EPB41L3: variants seen among roughly 807,000 people sequenced by gnomAD.
EPB41L3 encodes the protein erythrocyte membrane protein band 4.1 like 3.
EPB41L3 carries 57 observed loss-of-function variants against 127.1 expected under a neutral mutation model. The observed-to-expected ratio is 0.45, with a 90% CI of 0.36 to 0.56. EPB41L3 has a LOEUF of 0.56. Ranked by LOEUF, EPB41L3 falls within the 20% of genes least tolerant of loss-of-function variation. The probability of loss-of-function intolerance (pLI) is 0.00; values close to 1 mark genes in which losing one functional copy is unlikely to be tolerated. For synonymous variants in EPB41L3, 572 were observed against 549.5 expected, an observed-to-expected ratio of 1.04 and a Z score of -0.57; for missense variants, 1,273 against 1,372.2, an observed-to-expected ratio of 0.93 and a Z score of 1.14.
At chr18:5,552,472 G>C (rs1615855) in intron 3 of EPB41L3, among the ~76,000 whole-genome samples, 36,081 of 152,146 alleles carry the variant, frequency 0.24, 5,896 homozygotes, top group African/African-American at 0.46. Flanking sequence ...GAAGGTTCCA[G>C]CAGGTACTTT....
intron 3 of EPB41L3, among the ~76,000 whole-genome samples, chr18:5,566,836 C>T (rs1244732665): frequency 2.0e-5 from 3 of 147,052 alleles, no homozygotes; most frequent in Non-Finnish European, 3.0e-5. Context: ...GATGGAGTCT[C>T]ACTCTCATGC....
intron 1 of EPB41L3, among the ~76,000 whole-genome samples, chr18:5,513,815 T>C (rs2092643322): frequency 6.6e-6 from 1 of 152,206 alleles, no homozygotes; most frequent in Admixed American, 6.5e-5. Context: ...TATTTATATT[T>C]CAGATTACAA....
At chr18:5,604,298 C>G (rs2094624241) in intron 3 of EPB41L3, among the ~76,000 whole-genome samples, 1 of 151,766 alleles carries the variant, frequency 6.6e-6, no homozygotes, top group South Asian at 2.1e-4. Flanking sequence ...GGTGCTGTCC[C>G]CTTTTTGGGC....
intron 3 of EPB41L3, among the ~76,000 whole-genome samples, chr18:5,468,298 G>A (rs1405074784): frequency 1.3e-5 from 2 of 152,170 alleles, no homozygotes; most frequent in Admixed American, 6.5e-5. Context: ...GCAGAAAGGG[G>A]TGGGTCCCTG....
Position 5,617,320 on chromosome 18 carries a change from A to T in EPB41L3, c.-467-2897T>A, listed in dbSNP as rs113610041. ...AGTTACAAGTCATTCTATTATTATT[A>T]TTTTTTTTTTTTTTTTGAGACGGAG... On this transcript the variant is annotated intron_variant, in intron 1 of 21. Coordinates refer to the EPB41L3 transcript ENST00000545076. Among the ~76,000 whole-genome samples, 550 of 125,556 alleles carry T rather than the reference A, an allele frequency of 4.4e-3. 8 individuals are homozygous for T. The highest frequency in any genetic ancestry group is 4.9e-3 in the Admixed American group (59 of 12,020). 82.4% of individuals were successfully genotyped at this position (125,556 alleles called of 152,430 possible).
intron 1 of EPB41L3, among the ~76,000 whole-genome samples, chr18:5,618,138 A>G (rs555472912): frequency 6.6e-6 from 1 of 152,300 alleles, no homozygotes; most frequent in African/African-American, 2.4e-5. Flanking sequence ...TTACAAATAC[A>G]CTTTTCAAAA....
intron 1 of EPB41L3, among the ~76,000 whole-genome samples, chr18:5,530,625 C>T (rs574280817): frequency 7.2e-5 from 11 of 152,096 alleles, no homozygotes; most frequent in African/African-American, 1.4e-4. Flanking sequence ...CCTCTGTACA[C>T]GCTGGTCAGT....
chr18:5,530,683 CT>C (rs995040976), intron 1 of EPB41L3, among the ~76,000 whole-genome samples: 1 of 152,174 alleles, frequency 6.6e-6, no homozygotes, highest in African/African-American at 2.4e-5. Context: ...CTATCCAGCT[CT>C]CCCCCTTCTC....
chr18:5,431,904 G>A (rs2079058754), intron 8 of EPB41L3, among the ~76,000 whole-genome samples: 1 of 152,164 alleles, frequency 6.6e-6, no homozygotes, highest in South Asian at 2.1e-4. Flanking sequence ...CAAAATAGGT[G>A]AAAAAGTGTA....
intron 3 of EPB41L3, among the ~76,000 whole-genome samples, chr18:5,456,963 C>T (rs1286736041): frequency 1.3e-5 from 2 of 152,224 alleles, no homozygotes; most frequent in Non-Finnish European, 2.9e-5. Flanking sequence ...CTCACTGCAG[C>T]GATCCCGTGG....
intron 3 of EPB41L3, among the ~76,000 whole-genome samples, chr18:5,574,938 C>A (rs904632309): frequency 6.6e-5 from 10 of 152,150 alleles, no homozygotes; most frequent in African/African-American, 2.2e-4. Flanking sequence ...GGGACCCTGA[C>A]ACAGCTCTCA....
intron 1 of EPB41L3, among the ~76,000 whole-genome samples, chr18:5,521,864 T>C (rs764500570): frequency 6.6e-6 from 1 of 152,182 alleles, no homozygotes; most frequent in African/African-American, 2.4e-5. Context: ...TGAATAAATG[T>C]AAAATGACTA....
chr18:5,570,314 T>C (rs2094261144), intron 3 of EPB41L3: 1 of 152,204 alleles, frequency 6.6e-6, no homozygotes, highest in Admixed American at 6.5e-5. Context: ...ACACAAGGGC[T>C]TTATAACATC....
At chr18:5,611,222 T>C (rs1287623245) in intron 3 of EPB41L3, among the ~76,000 whole-genome samples, 2 of 152,334 alleles carry the variant, frequency 1.3e-5, no homozygotes, top group Admixed American at 1.3e-4. Flanking sequence ...TTATTTGTAA[T>C]AGTCAAAAGG....
chr18:5,501,618 TTAAC>T (rs1246572007), intron 1 of EPB41L3, among the ~76,000 whole-genome samples: 153 of 152,328 alleles, frequency 1.0e-3, no homozygotes, highest in African/African-American at 3.4e-3. Flanking sequence ...CCACAATTAA[TTAAC>T]TAAGTGTTCA....
At chr18:5,630,268 C>T, upstream of EPB41L3, 1 of 456,108 alleles carries the variant, frequency 2.2e-6, no homozygotes, top group East Asian at 6.2e-5. Context: ...CGCTTTCTCC[C>T]CCATCGACCT....
In EPB41L3 at chr18:5,434,115, G is replaced by A; in HGVS notation, c.612C>T (p.Tyr204=). ...TGTCATCTCGCAACTGCAAGCAGAG[G>A]TAGTACCTTCCAGGAACCAAAAGCA... The part of the protein sequence containing the change: ...AQLSEDITRY[Y]LCLQLRDDIV... The change falls in exon 7 of 23, where the codon TAC becomes TAT. Residue 204 remains tyrosine, a synonymous_variant. Coordinates refer to ENST00000341928, the MANE Select transcript of EPB41L3 (RefSeq NM_012307.5). The A allele has an allele frequency of 6.2e-7, 1 of 1,614,000 alleles. No individual in the cohort carries two copies. Among genetic ancestry groups the A allele is most frequent in the Non-Finnish European group, 8.5e-7 (1 of 1,179,932 alleles).
intron 1 of EPB41L3, among the ~76,000 whole-genome samples, chr18:5,511,750 TACAG>T (rs748185860): frequency 1.3e-4 from 19 of 151,570 alleles, no homozygotes; most frequent in Non-Finnish European, 2.9e-5. Flanking sequence ...TCCAGACGCA[TACAG>T]ACAGAGAGGT....
intron 16 of EPB41L3, among the ~76,000 whole-genome samples, chr18:5,405,917 C>T (rs1253503364): frequency 6.6e-6 from 1 of 151,614 alleles, no homozygotes; most frequent in African/African-American, 2.4e-5. Flanking sequence ...CCCCATAAAA[C>T]ATCTACTAGG....
Sources: gnomAD v4.1 joint callset for allele counts (sites outside exome capture counted in the v4.1 genomes callset) on GRCh38, gnomAD v4.1.1 for gene constraint, MANE v1.5 for transcripts, NCBI Gene and HGNC (gene_info 2026-07-23, HGNC 2026-07-21) for gene names.